Variants in DNAJB4 observed in about 807,000 individuals in gnomAD.
DNAJB4 encodes the protein DnaJ heat shock protein family (Hsp40) member B4.
Under a neutral mutation model 26.6 loss-of-function variants are expected in DNAJB4, and 10 were observed. The observed-to-expected ratio is 0.38, with a 90% CI of 0.23 to 0.64. DNAJB4 has a LOEUF of 0.64. Among genes scored for constraint, DNAJB4 ranks in the 30% least tolerant of loss-of-function variants. DNAJB4 has a pLI of 0.58. For synonymous variants in DNAJB4, 136 were observed against 134.8 expected (o/e 1.01, Z -0.06); for missense variants, 328 against 408.2 (o/e 0.80, Z 1.69).
At chr1:77,982,021 A>G (rs913949076) in intron 1 of DNAJB4, among the ~76,000 whole-genome samples, 5 of 152,224 alleles carry the variant, frequency 3.3e-5, no homozygotes, top group African/African-American at 1.2e-4. Context: ...TACTTTAGGT[A>G]ATAATGTTAG....
chr1:77,987,003 C>T lies in DNAJB4; in HGVS notation c.-32+6681C>T, dbSNP rs1343902197. Among the ~76,000 whole-genome samples the T allele has an allele frequency of 2.6e-5, 4 of 152,140 alleles. No individual in the cohort carries two copies. In the East Asian group the frequency reaches 5.8e-4, roughly 22 times the overall value. ...AGTTTCTGCTACCAGTGTCCCTACCCTCCACCCCTGCCACAACTGCCAATC... is the reference window on the plus strand; with the variant it reads ...AGTTTCTGCTACCAGTGTCCCTACCTTCCACCCCTGCCACAACTGCCAATC... On this transcript the variant is annotated intron_variant, in intron 1 of 2. Transcript: ENST00000426517.
At position 78,017,924 on chromosome 1, in the gene DNAJB4, A is replaced by T. The variant is rs770620978; in HGVS notation, c.*1677A>T. ...TTCATTAATTATGGGCATTTGGCTT[A>T]TTTCTACTTTTTTGGCTATTATAAA... is the stretch of plus-strand genomic sequence containing the variant. On this transcript the variant is annotated 3_prime_UTR_variant, in exon 3 of 3. Transcript: ENST00000370763. 37 of 151,978 alleles carry T rather than the reference A, an allele frequency of 2.4e-4. No individual in the cohort carries two copies. Among genetic ancestry groups the T allele is most frequent in the Admixed American group, 3.3e-4 (5 of 15,248 alleles). The allele number at this position is 151,978 out of a possible 1,614,324, so 9.4% of individuals were successfully genotyped here.
upstream of DNAJB4, chr1:77,979,324 G>A (rs1201761478): frequency 6.4e-6 from 2 of 314,662 alleles, no homozygotes; most frequent in Non-Finnish European, 1.2e-5. Context: ...CTGCAGGGTG[G>A]TGGGTGATAG....
Position 78,005,000 on chromosome 1 carries a change from T to C in DNAJB4, c.-111T>C, listed in dbSNP as rs1163004173. On this transcript the variant is annotated 5_prime_UTR_variant, in exon 1 of 3. Coordinates refer to ENST00000370763, the MANE Select transcript of DNAJB4 (RefSeq NM_007034.5). The stretch of plus-strand genomic sequence containing the variant: ...TAAGACAGCTAGCTGAATTGCTGAT[T>C]AACTTTTAAAATACCCAGCTTGGTT... 9.7e-6 allele frequency: 11 copies of C among 1,135,008 alleles called. No individual in the cohort carries two copies. Among genetic ancestry groups the C allele is most frequent in the African/African-American group, 1.6e-5 (1 of 64,080 alleles). 70.3% of individuals were successfully genotyped at this position (1,135,008 alleles called of 1,614,324 possible).
intron 1 of DNAJB4, among the ~76,000 whole-genome samples, chr1:78,008,936 A>G (rs1045381606): frequency 1.3e-5 from 2 of 152,080 alleles, no homozygotes; most frequent in African/African-American, 2.4e-5. Flanking sequence ...ATCCTCATTT[A>G]TTCTAGTTTT....
chr1:78,015,928 T>A (rs1404995842), intron 2 of DNAJB4, 86 bp from the exon 3 acceptor site: 15 of 1,084,294 alleles, frequency 1.4e-5, no homozygotes, highest in Admixed American at 2.4e-5. Context: ...ACCTTAGTGG[T>A]ATTATCCTTT....
chr1:78,015,482 A>G (rs1353977909), intron 2 of DNAJB4, among the ~76,000 whole-genome samples: 8 of 131,812 alleles, frequency 6.1e-5, no homozygotes, highest in Non-Finnish European at 9.8e-5. Context: ...ATATCTAATA[A>G]TGCATGTCCT....
intron 1 of DNAJB4, among the ~76,000 whole-genome samples, chr1:77,990,871 A>C (rs1010293061): frequency 6.6e-6 from 1 of 152,170 alleles, no homozygotes; most frequent in Non-Finnish European, 1.5e-5. Flanking sequence ...TTTGTGATTC[A>C]TTCATTCAGT....
rs922396896 is a variant in DNAJB4, at chr1:78,015,948, T to C, written c.781-66T>C. On this transcript the variant is annotated intron_variant, in intron 2 of 2. Coordinates refer to ENST00000370763, the MANE Select transcript of DNAJB4 (RefSeq NM_007034.5). ...AGTGGTATTATCCTTTACCATCTGG[T>C]AAAATTTGTGCTTAGATTTTTGAGT... 25 of 1,349,982 alleles carry C rather than the reference T, an allele frequency of 1.9e-5. No homozygotes were observed. In the African/African-American group the frequency reaches 3.4e-4, roughly 18 times the overall value. 83.6% of individuals were successfully genotyped at this position (1,349,982 alleles called of 1,614,324 possible).
At chr1:78,013,950 A>T (rs540762827) in intron 2 of DNAJB4, among the ~76,000 whole-genome samples, 5 of 152,068 alleles carry the variant, frequency 3.3e-5, no homozygotes, top group Non-Finnish European at 5.9e-5. Context: ...GTTAATATGG[A>T]GTAATAATTG....
chr1:77,992,412 CA>C (rs67649336), intron 1 of DNAJB4, among the ~76,000 whole-genome samples: 1,491 of 47,524 alleles, frequency 0.031, 5 homozygotes, highest in African/African-American at 0.12. Flanking sequence ...GACTCCGTCT[CA>C]AAAAAAAAAA....
At chr1:77,995,400 C>T (rs1250960650) in intron 1 of DNAJB4, among the ~76,000 whole-genome samples, 1 of 152,144 alleles carries the variant, frequency 6.6e-6, no homozygotes, top group Non-Finnish European at 1.5e-5. Flanking sequence ...TTATCAAGAC[C>T]CATTTAAAAT....
At chr1:77,999,111 T>G (rs1419840703) in intron 1 of DNAJB4, among the ~76,000 whole-genome samples, 2 of 152,206 alleles carry the variant, frequency 1.3e-5, no homozygotes, top group Non-Finnish European at 2.9e-5. Flanking sequence ...TAGGAAATTA[T>G]AGTATGTAGA....
chr1:77,995,725 T>A (rs571773285), intron 1 of DNAJB4, among the ~76,000 whole-genome samples: 109 of 152,366 alleles, frequency 7.2e-4, no homozygotes, highest in Non-Finnish European at 1.3e-3. Flanking sequence ...AGTACTGGGA[T>A]TACAAGTGTG....
intron 1 of DNAJB4, among the ~76,000 whole-genome samples, chr1:78,009,884 A>G (rs1660423538): frequency 1.3e-5 from 2 of 152,200 alleles, no homozygotes; most frequent in Admixed American, 1.3e-4. Flanking sequence ...TTGGCCTCCC[A>G]AAGTTCTGGG....
intron 1 of DNAJB4, among the ~76,000 whole-genome samples, chr1:77,992,085 A>C (rs570664118): frequency 6.6e-6 from 1 of 152,170 alleles, no homozygotes; most frequent in Non-Finnish European, 1.5e-5. Flanking sequence ...ACCATGGCAA[A>C]TGTTTTATAG....
At chr1:78,013,674 G>A in intron 2 of DNAJB4, 55 bp downstream of exon 2, 1 of 1,343,328 alleles carries the variant, frequency 7.4e-7, no homozygotes, top group South Asian at 1.4e-5. Context: ...GTTGATCATA[G>A]GGAGTGTATC....
rs201202841 is a variant in DNAJB4, at chr1:78,013,137, G to A, written c.298G>A (p.Ala100Thr). 1.5e-5 allele frequency: 25 copies of A among 1,614,184 alleles called. 1 individual carries two copies. The East Asian group carries it at 4.2e-4, about 27-fold the overall frequency. The change falls in exon 2 of 3, where the codon GCA becomes ACA. Residue 100 changes from alanine (A) to threonine (T), a missense_variant. Physicochemically the swap from Ala to Thr is moderately conservative, Grantham distance 58. Coordinates refer to ENST00000370763, the MANE Select transcript of DNAJB4 (RefSeq NM_007034.5). ...TGGCGATCCTCATGCTACATTTGCT[G>A]CATTTTTCGGAGGGTCCAACCCCTT... ...FHGDPHATFA[A>T]FFGGSNPFEI...
chr1:77,982,504 A>G (rs1030213168), intron 1 of DNAJB4, among the ~76,000 whole-genome samples: 1 of 152,240 alleles, frequency 6.6e-6, no homozygotes, highest in African/African-American at 2.4e-5. Flanking sequence ...GGTTACCCAC[A>G]TTGGCTACAG....
Sources: gnomAD v4.1 joint callset for allele counts (sites outside exome capture counted in the v4.1 genomes callset) on GRCh38, gnomAD v4.1.1 for gene constraint, MANE v1.5 for transcripts, NCBI Gene and HGNC (gene_info 2026-07-23, HGNC 2026-07-21) for gene names.